Variants in VPS37A observed in about 807,000 individuals in gnomAD.
The protein encoded by VPS37A is VPS37A subunit of ESCRT-I, also known as vacuolar protein sorting-associated protein 37A.
In VPS37A, 30 loss-of-function variants were observed where a neutral mutation model predicts 49.8. The observed-to-expected ratio is 0.60, with a 90% CI of 0.45 to 0.82. The LOEUF is 0.82. VPS37A is among the 40% of genes least tolerant of loss of function. The pLI is 0.00. For synonymous variants in VPS37A, 195 were observed against 160.6 expected (o/e 1.21, Z -1.62); for missense variants, 593 against 464.4 (o/e 1.28, Z -2.55).
rs541584881 is a variant in VPS37A at position 17,269,480 on chromosome 8, CA to C, written c.416+525del. Among the ~76,000 whole-genome samples, 121 of 152,262 alleles carry C rather than the reference CA, an allele frequency of 7.9e-4. 1 individual carries two copies. The highest frequency in any genetic ancestry group is 3.4e-3 in the Middle Eastern group (1 of 294). On this transcript the variant is annotated intron_variant, in intron 4 of 11. Transcript: ENST00000324849. Reference sequence around the variant, plus strand: ...TTTAGATCATCTTCATTTTCCACATCATCTTAAATTTTAAGATCTTACTAAA... The same window carrying C: ...TTTAGATCATCTTCATTTTCCACATCTCTTAAATTTTAAGATCTTACTAAA...
At chr8:17,304,570 C>T (rs1342717066), downstream of VPS37A, 2 of 1,567,974 alleles carry the variant, frequency 1.3e-6, no homozygotes. Flanking sequence ...TGCTTACACA[C>T]AGTAGATATG....
At chr8:17,274,654 T>A in intron 4 of VPS37A, 79 bp from the exon 5 acceptor site, 1 of 1,181,006 alleles carries the variant, frequency 8.5e-7, no homozygotes, top group Non-Finnish European at 1.2e-6. Context: ...TGACCTTTGT[T>A]ATTTAGAACA....
intron 4 of VPS37A, among the ~76,000 whole-genome samples, chr8:17,271,437 C>T (rs1326918075): frequency 6.6e-6 from 1 of 152,114 alleles, no homozygotes; most frequent in African/African-American, 2.4e-5. Flanking sequence ...AACCTCGTCT[C>T]TACTAAAAAT....
chr8:17,251,732 G>C (rs1812000537), intron 1 of VPS37A, among the ~76,000 whole-genome samples: 1 of 152,136 alleles, frequency 6.6e-6, no homozygotes, highest in Admixed American at 6.5e-5. Flanking sequence ...ACTGTATTTT[G>C]TTCTTGTCCC....
chr8:17,322,077 G>A, the VPS37A span, among the ~76,000 whole-genome samples: 7 of 152,118 alleles, frequency 4.6e-5, no homozygotes, highest in Non-Finnish European at 1.0e-4. Flanking sequence ...GAGATCTGAA[G>A]TTGAAACATA....
intron 1 of VPS37A, among the ~76,000 whole-genome samples, chr8:17,263,942 A>G (rs549098973): frequency 2.6e-5 from 4 of 152,308 alleles, no homozygotes; most frequent in African/African-American, 9.6e-5. Flanking sequence ...CTCCGTGTCA[A>G]AAAGACAAAC....
At chr8:17,315,628 TAAAAAG>T in the VPS37A span, among the ~76,000 whole-genome samples, 3 of 151,930 alleles carry the variant, frequency 2.0e-5, no homozygotes, top group Non-Finnish European at 4.4e-5. Context: ...AAACTGCTCT[TAAAAAG>T]AAAAAGTCTT....
intron 4 of VPS37A, among the ~76,000 whole-genome samples, chr8:17,272,760 G>C (rs10104087): frequency 0.014 from 2,096 of 152,184 alleles, 58 homozygotes; most frequent in African/African-American, 0.049. Context: ...AAATGAACAA[G>C]CTGATTAGAA....
the VPS37A span, among the ~76,000 whole-genome samples, chr8:17,307,838 G>T: frequency 2.5e-4 from 37 of 150,722 alleles, no homozygotes; most frequent in African/African-American, 2.4e-5. Context: ...ACTGAACAAT[G>T]AGAACACAAG....
intron 6 of VPS37A, among the ~76,000 whole-genome samples, chr8:17,276,700 T>C (rs1280195357): frequency 1.3e-5 from 2 of 152,154 alleles, no homozygotes; most frequent in Non-Finnish European, 2.9e-5. Flanking sequence ...ATATAATAGT[T>C]ACCAAGATAA....
At chr8:17,307,374 A>C (rs1246005047), downstream of VPS37A, among the ~76,000 whole-genome samples, 1 of 152,214 alleles carries the variant, frequency 6.6e-6, no homozygotes, top group Non-Finnish European at 1.5e-5. Context: ...ATCATTAAAA[A>C]GTCAGGAAAC....
chr8:17,247,342 T>G lies in VPS37A; in HGVS notation c.98T>G (p.Ile33Ser), dbSNP rs1366872693. Reference protein sequence around the residue: ...TSLQQQKQRLIESLRNSHSSI... With the variant: ...TSLQQQKQRLSESLRNSHSSI... ...CTCCAGCAGCAGAAGCAGCGCCTGATCGAGTCCCTCCGGAACTCACACTCC... is the reference window on the plus strand; with the variant it reads ...CTCCAGCAGCAGAAGCAGCGCCTGAGCGAGTCCCTCCGGAACTCACACTCC... The change falls in exon 1 of 12, where the codon ATC becomes AGC. Residue 33 changes from isoleucine (I) to serine (S), a missense_variant. Ile to Ser is a moderately radical substitution (Grantham distance 142). Coordinates refer to ENST00000324849, the MANE Select transcript of VPS37A (RefSeq NM_152415.3). 1 of 1,510,818 alleles carries G rather than the reference T, an allele frequency of 6.6e-7. No individual in the cohort carries two copies. Among genetic ancestry groups the G allele is most frequent in the Non-Finnish European group, 8.9e-7 (1 of 1,124,992 alleles). The allele number at this position is 1,510,818 out of a possible 1,614,324, so 93.6% of individuals were successfully genotyped here. A position where few individuals can be genotyped will look rare whatever the true frequency, so the allele number is the denominator to read the frequency against.
intron 5 of VPS37A, among the ~76,000 whole-genome samples, 167 bp from the exon 6 acceptor site, chr8:17,276,230 C>G (rs1384396270): frequency 1.3e-5 from 2 of 151,808 alleles, no homozygotes; most frequent in Admixed American, 6.6e-5. Flanking sequence ...GAAAAGAAGA[C>G]AGACTGAAGG....
chr8:17,275,047 A>T, intron 5 of VPS37A, 89 bp downstream of exon 5: 1 of 1,220,192 alleles, frequency 8.2e-7, no homozygotes, highest in Non-Finnish European at 1.2e-6. Context: ...GTGCCAGATA[A>T]TAAGTTAGAC....
In VPS37A at chr8:17,280,250, C is replaced by G. The variant is rs771451141; in HGVS notation, c.853C>G (p.Leu285Val). 41 of 1,612,484 alleles carry G rather than the reference C, an allele frequency of 2.5e-5. No homozygotes were observed. Among genetic ancestry groups the G allele is most frequent in the Non-Finnish European group, 3.5e-5 (41 of 1,179,268 alleles). ...GATTTATCTTACAGGAAAAAATCTC[C>G]TTTTGGAGCCCAGCTTGGAAGCCAA... ...SIEELARKNL[L>V]LEPSLEAKRQ... The change falls in exon 8 of 12, where the codon CTT becomes GTT. Residue 285 changes from leucine (L) to valine (V), a missense_variant. By Grantham distance (32) the Leu-to-Val change is conservative (BLOSUM62 1). Transcript: ENST00000324849.
intron 11 of VPS37A, among the ~76,000 whole-genome samples, chr8:17,290,696 A>G (rs1316589233): frequency 6.6e-6 from 1 of 152,186 alleles, no homozygotes; most frequent in Non-Finnish European, 1.5e-5. Context: ...GCCTCATACA[A>G]TCAGTTAGGG....
intron 1 of VPS37A, among the ~76,000 whole-genome samples, chr8:17,262,573 A>G (rs931669557): frequency 3.9e-4 from 58 of 147,458 alleles, no homozygotes; most frequent in Admixed American, 1.4e-3. Context: ...ACTTTAAAGT[A>G]TGTGTGTGTG....
chr8:17,284,380 AT>A lies in VPS37A; in HGVS notation c.970-91del. The A allele has an allele frequency of 8.5e-6, 12 of 1,409,618 alleles. No individual in the cohort carries two copies. In the South Asian group the frequency reaches 1.9e-4, roughly 23 times the overall value. The allele number at this position is 1,409,618 out of a possible 1,614,324, so 87.3% of individuals were successfully genotyped here. A position where few individuals can be genotyped will look rare whatever the true frequency, so the allele number is the denominator to read the frequency against. Reference sequence around the variant, plus strand: ...AGAGGCTATATAGGGCATATAATAAATTGCCTCTCCATACCACTACCTTACT... The same window carrying A: ...AGAGGCTATATAGGGCATATAATAAATGCCTCTCCATACCACTACCTTACT... On this transcript the variant is annotated intron_variant, in intron 9 of 11. Coordinates refer to ENST00000324849, the MANE Select transcript of VPS37A (RefSeq NM_152415.3).
chr8:17,272,505 A>G (rs1814087596), intron 4 of VPS37A, among the ~76,000 whole-genome samples: 1 of 152,188 alleles, frequency 6.6e-6, no homozygotes, highest in African/African-American at 2.4e-5. Flanking sequence ...CATTTCAGAT[A>G]AGTTCGGGGA....
Sources: allele counts gnomAD v4.1 joint callset (sites outside exome capture counted in the v4.1 genomes callset), GRCh38; gene constraint gnomAD v4.1.1; transcripts MANE v1.5; gene names NCBI Gene and HGNC (gene_info 2026-07-23, HGNC 2026-07-21).